EGFR: variants seen among roughly 807,000 people sequenced by gnomAD.
EGFR encodes avian erythroblastic leukemia viral (v-erb-b) oncogene homolog.
A neutral mutation model predicts 143.0 loss-of-function variants in EGFR; 58 were observed. The ratio of observed to expected loss-of-function variants is 0.41; its 90% CI spans 0.33 to 0.50. The LOEUF is 0.50. EGFR is among the 20% of genes least tolerant of loss of function. The pLI is 0.39. For missense variants in EGFR, 1,307 were observed against 1,579.0 expected, an observed-to-expected ratio of 0.83 and a Z score of 2.92; for synonymous variants, 613 against 594.4, an observed-to-expected ratio of 1.03 and a Z score of -0.45.
At chr7:55,050,748 C>T (rs1788442097) in intron 1 of EGFR, among the ~76,000 whole-genome samples, 1 of 152,192 alleles carries the variant, frequency 6.6e-6, no homozygotes, top group African/African-American at 2.4e-5. Flanking sequence ...TCTGTTCACG[C>T]TCTCTCATCT....
chr7:55,095,202 A>C (rs572693668), intron 1 of EGFR, among the ~76,000 whole-genome samples: 2 of 152,344 alleles, frequency 1.3e-5, no homozygotes, highest in East Asian at 3.9e-4. Context: ...CCTGCAAGCC[A>C]GGTCACCTTC....
intron 1 of EGFR, among the ~76,000 whole-genome samples, chr7:55,050,686 T>G (rs1257783235): frequency 6.6e-6 from 1 of 152,184 alleles, no homozygotes; most frequent in Non-Finnish European, 1.5e-5. Context: ...CCCTGCTCAG[T>G]CTTCTTGCTT....
intron 1 of EGFR, among the ~76,000 whole-genome samples, chr7:55,135,743 G>C (rs1794099296): frequency 6.6e-6 from 1 of 152,044 alleles, no homozygotes; most frequent in Admixed American, 6.5e-5. Flanking sequence ...CAATTTCATA[G>C]ACTAGTCTAG....
At chr7:55,098,109 CA>C (rs1791584776) in intron 1 of EGFR, among the ~76,000 whole-genome samples, 1 of 152,212 alleles carries the variant, frequency 6.6e-6, no homozygotes, top group Non-Finnish European at 1.5e-5. Context: ...CTTTGCCTGA[CA>C]GTGTAGTTGA....
chr7:55,103,899 C>T (rs1791969105), intron 1 of EGFR, among the ~76,000 whole-genome samples: 1 of 152,182 alleles, frequency 6.6e-6, no homozygotes, highest in South Asian at 2.1e-4. Context: ...TTTTAATTCA[C>T]AAGACTGAAA....
intron 1 of EGFR, among the ~76,000 whole-genome samples, chr7:55,043,062 T>A (rs73420752): frequency 0.048 from 7,373 of 152,218 alleles, 304 homozygotes; most frequent in South Asian, 0.16. Context: ...ATTTAATGAC[T>A]GTCTGCTATG....
At chr7:55,181,002 C>T (rs752119698) in intron 19 of EGFR, 33 of 532,928 alleles carry the variant, frequency 6.2e-5, no homozygotes, top group East Asian at 9.6e-5. Flanking sequence ...CAGGTGACTC[C>T]GACTCCTCCT....
chr7:55,065,670 T>A (rs6964933), intron 1 of EGFR, among the ~76,000 whole-genome samples: 130,352 of 152,114 alleles, frequency 0.86, 56,178 homozygotes, highest in East Asian at 0.97. Flanking sequence ...CAGCGATGAG[T>A]TCAAGCGTCC....
chr7:55,163,405 A>G (rs1785802031), intron 13 of EGFR, among the ~76,000 whole-genome samples: 1 of 152,228 alleles, frequency 6.6e-6, no homozygotes, highest in South Asian at 2.1e-4. Context: ...TAATTTTGAT[A>G]ACCATGAATC....
rs1020005130 is a variant in EGFR, at chr7:55,154,244, T to A, written c.889+92T>A. 2.5e-6 allele frequency: 4 copies of A among 1,589,430 alleles called. No homozygotes were observed. In the African/African-American group the frequency reaches 4.0e-5, roughly 16 times the overall value. Reference sequence around the variant, plus strand: ...CCCTGGAGTATCCCATCTTGGAGAGTCTTTGGGTGGATGTGTTTGCCTTGC... The same window carrying A: ...CCCTGGAGTATCCCATCTTGGAGAGACTTTGGGTGGATGTGTTTGCCTTGC... On this transcript the variant is annotated intron_variant, in intron 7 of 27. Transcript: ENST00000275493.
chr7:55,063,407 C>T (rs941904807), intron 1 of EGFR, among the ~76,000 whole-genome samples: 13 of 152,122 alleles, frequency 8.5e-5, no homozygotes, highest in Admixed American at 5.9e-4. Flanking sequence ...ATGTGGAATT[C>T]TCTGGACAGA....
At chr7:55,183,137 C>T (rs1584242245) in intron 20 of EGFR, among the ~76,000 whole-genome samples, 1 of 152,164 alleles carries the variant, frequency 6.6e-6, no homozygotes, top group African/African-American at 2.4e-5. Flanking sequence ...CCATGTCAAC[C>T]TCCGTCTTCA....
chr7:55,135,127 C>T (rs1211508747), intron 1 of EGFR, among the ~76,000 whole-genome samples: 1 of 152,174 alleles, frequency 6.6e-6, no homozygotes, highest in Non-Finnish European at 1.5e-5. Flanking sequence ...GAGGTATTCT[C>T]ACTCTACTTA....
At chr7:55,179,851 C>T (rs1299513237) in intron 19 of EGFR, 1 of 152,200 alleles carries the variant, frequency 6.6e-6, no homozygotes, top group Non-Finnish European at 1.5e-5. Flanking sequence ...GTATTAGGTA[C>T]TATAGGTAAT....
chr7:55,136,803 A>T (rs1382548661), intron 1 of EGFR, among the ~76,000 whole-genome samples: 1 of 152,232 alleles, frequency 6.6e-6, no homozygotes, highest in African/African-American at 2.4e-5. Context: ...TCAAGAGGCT[A>T]AACAGCTGAT....
chr7:55,053,879 G>C (rs1486738057), intron 1 of EGFR, among the ~76,000 whole-genome samples: 2 of 152,224 alleles, frequency 1.3e-5, no homozygotes, highest in Admixed American at 1.3e-4. Context: ...TAGCCAATCT[G>C]CTTCGCGATG....
At chr7:55,170,177 T>C (rs1786273449) in intron 15 of EGFR, 3 of 1,528,608 alleles carry the variant, frequency 2.0e-6, no homozygotes, top group Non-Finnish European at 2.7e-6. Flanking sequence ...ACCCCCAAAT[T>C]AAGAAGAGCA....
chr7:55,066,090 G>C (rs1044492665), intron 1 of EGFR, among the ~76,000 whole-genome samples: 1 of 152,126 alleles, frequency 6.6e-6, no homozygotes, highest in Non-Finnish European at 1.5e-5. Flanking sequence ...TGAGGCGTTC[G>C]TGGTGTGTGA....
intron 4 of EGFR, among the ~76,000 whole-genome samples, chr7:55,147,510 C>CAA (rs3063067): frequency 0.29 from 39,661 of 137,488 alleles, 5,582 homozygotes; most frequent in East Asian, 0.36. Context: ...GCCCTCAGAA[C>CAA]AAAAAAAAAA....
Sources: allele counts gnomAD v4.1 joint callset (sites outside exome capture counted in the v4.1 genomes callset), GRCh38; gene constraint gnomAD v4.1.1; transcripts MANE v1.5; gene names NCBI Gene and HGNC (gene_info 2026-07-23, HGNC 2026-07-21).